The following PPP4R2 variants were observed in gnomAD, a reference collection of about 807,000 sequenced individuals.
PPP4R2 encodes the protein protein phosphatase 4 regulatory subunit 2.
A neutral mutation model predicts 47.2 loss-of-function variants in PPP4R2; 13 were observed. The observed-to-expected ratio is 0.28, with a 90% CI of 0.18 to 0.44. The LOEUF (loss-of-function observed/expected upper bound fraction) is 0.44. Ranked by LOEUF, PPP4R2 falls within the 20% of genes least tolerant of loss-of-function variation. The pLI is 1.00. For synonymous variants in PPP4R2, 151 were observed against 163.3 expected (o/e 0.92, Z 0.57); for missense variants, 421 against 491.2 (o/e 0.86, Z 1.35).
chr3:73,023,329 G>A (rs1701998080), intron 2 of PPP4R2, among the ~76,000 whole-genome samples: 1 of 151,882 alleles, frequency 6.6e-6, no homozygotes. Context: ...TCAGATTACG[G>A]GCATGCGCCA....
chr3:73,017,338 C>G (rs1197151742), intron 2 of PPP4R2, among the ~76,000 whole-genome samples: 2 of 123,412 alleles, frequency 1.6e-5, no homozygotes, highest in African/African-American at 3.4e-5. Context: ...CCTTTAGTTT[C>G]CCATAAATTC....
At chr3:73,055,405 C>T (rs914492013) in intron 3 of PPP4R2, among the ~76,000 whole-genome samples, 21 of 127,226 alleles carry the variant, frequency 1.7e-4, no homozygotes, top group Non-Finnish European at 2.7e-4. Context: ...GTAAGGTCTC[C>T]TAGTGGGGTA....
intron 2 of PPP4R2, among the ~76,000 whole-genome samples, chr3:73,005,184 C>T (rs888866282): frequency 3.3e-5 from 5 of 152,002 alleles, no homozygotes; most frequent in Admixed American, 6.6e-5. Flanking sequence ...CTCGTGATCT[C>T]CCCGCCTTCG....
At chr3:73,040,913 G>A (rs912156296) in intron 2 of PPP4R2, among the ~76,000 whole-genome samples, 1 of 152,104 alleles carries the variant, frequency 6.6e-6, no homozygotes, top group Admixed American at 6.6e-5. Context: ...GCAAATACCC[G>A]TAGTGAGTAA....
rs149833828 is a variant in PPP4R2 at position 73,033,973 on chromosome 3, A to T, written c.117-13213A>T. Among the ~76,000 whole-genome samples, 842 of 152,318 alleles carry T rather than the reference A, an allele frequency of 5.5e-3. 2 individuals are homozygous for T. Among genetic ancestry groups the T allele is most frequent in the Non-Finnish European group, 0.011 (730 of 68,038 alleles). On this transcript the variant is annotated intron_variant, in intron 2 of 8. Transcript: ENST00000356692. ...CGGTAGTTCTGTGTTTAACTTTTCG[A>T]GGAACTGTATTCCACAATGGCCGCG... is the stretch of plus-strand genomic sequence containing the variant.
intron 2 of PPP4R2, among the ~76,000 whole-genome samples, chr3:73,016,355 G>A (rs976550469): frequency 3.3e-5 from 5 of 152,040 alleles, no homozygotes; most frequent in African/African-American, 1.2e-4. Flanking sequence ...TACAGTTTGG[G>A]GGCATGCTGC....
At chr3:73,014,775 A>G (rs902650) in intron 2 of PPP4R2, 146,379 of 399,632 alleles carry the variant, frequency 0.37, 28,503 homozygotes, top group African/African-American at 0.44. Context: ...GACTAAAAAA[A>G]TTGCCTGTAT....
chr3:73,063,163 A>C (rs575848491), intron 5 of PPP4R2: 1 of 466,248 alleles, frequency 2.1e-6, no homozygotes, highest in South Asian at 2.6e-5. Flanking sequence ...GAGCAACCCC[A>C]CATTTTTGGG....
intron 2 of PPP4R2, among the ~76,000 whole-genome samples, chr3:73,006,456 C>CT (rs1390076518): frequency 1.3e-5 from 2 of 152,120 alleles, no homozygotes; most frequent in African/African-American, 4.8e-5. Context: ...TCCCAAAGTG[C>CT]TGGGATTACA....
At chr3:73,032,185 C>T (rs1702178155) in intron 2 of PPP4R2, among the ~76,000 whole-genome samples, 1 of 152,140 alleles carries the variant, frequency 6.6e-6, no homozygotes, top group Non-Finnish European at 1.5e-5. Flanking sequence ...ACAAAAAAGT[C>T]TGTGTACTTT....
chr3:73,017,809 C>G (rs573082890), intron 2 of PPP4R2, among the ~76,000 whole-genome samples: 1 of 152,040 alleles, frequency 6.6e-6, no homozygotes, highest in African/African-American at 2.4e-5. Flanking sequence ...TTACTATAAC[C>G]TCCACCTCCT....
At chr3:73,013,462 T>C (rs1347218766) in intron 2 of PPP4R2, among the ~76,000 whole-genome samples, 1 of 149,058 alleles carries the variant, frequency 6.7e-6, no homozygotes, top group Admixed American at 6.7e-5. Flanking sequence ...GCTTTAGATG[T>C]TTCTGTCTCA....
chr3:73,013,459 A>G (rs1701764512), intron 2 of PPP4R2, among the ~76,000 whole-genome samples: 1 of 150,322 alleles, frequency 6.7e-6, no homozygotes, highest in Non-Finnish European at 1.5e-5. Context: ...ACTGCTTTAG[A>G]TGTTTCTGTC....
chr3:73,058,320 ACCTT>A (rs1330466906), intron 3 of PPP4R2, among the ~76,000 whole-genome samples: 7 of 152,108 alleles, frequency 4.6e-5, no homozygotes, highest in Non-Finnish European at 7.4e-5. Context: ...TTTTAAAGAA[ACCTT>A]TGAGTGCAGA....
chr3:72,998,677 T>C (rs1485976241), intron 2 of PPP4R2, among the ~76,000 whole-genome samples: 1 of 152,252 alleles, frequency 6.6e-6, no homozygotes, highest in Non-Finnish European at 1.5e-5. Context: ...TTTTGACTTG[T>C]AGACTTTCTA....
chr3:72,998,156 A>G lies in PPP4R2; in HGVS notation c.114A>G (p.Thr38=). The part of the protein sequence containing the change: ...FLCHVAKTGE[T]MIQWSQFKGY... ...GTCATGTAGCCAAGACTGGAGAAAC[A>G]ATGTGAGTTGAAAACATGCATTTGT... The change falls in exon 2 of 9, where the codon ACA becomes ACG. Residue 38 remains threonine (T), a splice_region_variant and synonymous_variant. Transcript: ENST00000356692. 1.3e-6 allele frequency: 2 copies of G among 1,597,978 alleles called. No individual in the cohort carries two copies. The highest frequency in any genetic ancestry group is 1.7e-6 in the Non-Finnish European group (2 of 1,171,924).
intron 2 of PPP4R2, among the ~76,000 whole-genome samples, chr3:73,038,483 C>T (rs373814205): frequency 1.3e-5 from 2 of 151,974 alleles, no homozygotes; most frequent in East Asian, 1.9e-4. Context: ...GCAACCTCCA[C>T]CTCCCAGGTT....
intron 2 of PPP4R2, among the ~76,000 whole-genome samples, chr3:73,017,720 A>AAATCC (rs1361076644): frequency 6.6e-6 from 1 of 151,986 alleles, no homozygotes; most frequent in Non-Finnish European, 1.5e-5. Context: ...GAAGTCTACT[A>AAATCC]AATCCATACC....
intron 2 of PPP4R2, among the ~76,000 whole-genome samples, chr3:73,009,245 G>C (rs1395873479): frequency 6.6e-6 from 1 of 152,154 alleles, no homozygotes; most frequent in Non-Finnish European, 1.5e-5. Flanking sequence ...TAGCGACTAC[G>C]AGTGGGGAAT....
Sources: gnomAD v4.1 joint callset for allele counts (sites outside exome capture counted in the v4.1 genomes callset) on GRCh38, gnomAD v4.1.1 for gene constraint, MANE v1.5 for transcripts, NCBI Gene and HGNC (gene_info 2026-07-23, HGNC 2026-07-21) for gene names.